The following NRBP1 variants were observed in gnomAD, a reference collection of about 807,000 sequenced individuals.
NRBP1 encodes nuclear receptor binding protein 1, also known as nuclear receptor-binding protein.
Under a neutral mutation model 76.0 loss-of-function variants are expected in NRBP1, and 10 were observed. The observed-to-expected ratio is 0.13, with a 90% CI of 0.08 to 0.22. The LOEUF (loss-of-function observed/expected upper bound fraction) is 0.22. NRBP1 is among the 10% of genes least tolerant of loss of function. The probability of loss-of-function intolerance (pLI) is 1.00; values close to 1 mark genes in which losing one functional copy is unlikely to be tolerated. For synonymous variants in NRBP1, 235 were observed against 240.2 expected, an observed-to-expected ratio of 0.98 and a Z score of 0.20; for missense variants, 344 against 646.0, an observed-to-expected ratio of 0.53 and a Z score of 5.07.
At chr2:27,431,461 A>T (rs1482924418) in intron 1 of NRBP1, among the ~76,000 whole-genome samples, 1 of 152,156 alleles carries the variant, frequency 6.6e-6, no homozygotes, top group Non-Finnish European at 1.5e-5. Context: ...TTTGTTTGTT[A>T]TTGTATCTCA....
intron 10 of NRBP1, among the ~76,000 whole-genome samples, chr2:27,438,516 G>C (rs1351319008): frequency 6.6e-6 from 1 of 152,242 alleles, no homozygotes; most frequent in African/African-American, 2.4e-5. Flanking sequence ...AAGAAGACTA[G>C]TGGGAAGTCA....
chr2:27,434,117 G>C lies in NRBP1; in HGVS notation c.435+27G>C, dbSNP rs771690939. 5.9e-6 allele frequency: 9 copies of C among 1,514,184 alleles called. 1 individual carries two copies. In the South Asian group the frequency reaches 1.0e-4, roughly 17 times the overall value. 93.8% of individuals were successfully genotyped at this position (1,514,184 alleles called of 1,614,324 possible). On this transcript the variant is annotated intron_variant, in intron 4 of 17. Transcript: ENST00000379852. ...TAAGAATTTTTTCCCCATATTTCCT[G>C]AACTTATTGCAAAGAGACTAGCTAC... is the stretch of plus-strand genomic sequence containing the variant.
chr2:27,436,414 T>G, intron 7 of NRBP1: 2 of 235,650 alleles, frequency 8.5e-6, no homozygotes, highest in Non-Finnish European at 1.7e-5. Flanking sequence ...GTACCTGGGA[T>G]TTAGGGAAGG....
chr2:27,435,256 G>A (rs1254201102), intron 7 of NRBP1, 29 bp downstream of exon 7: 3 of 1,588,236 alleles, frequency 1.9e-6, no homozygotes, highest in Non-Finnish European at 2.6e-6. Context: ...TCTGGGCAGG[G>A]GAGCCTCGGG....
At chr2:27,432,632 A>G (rs1289238161) in intron 1 of NRBP1, among the ~76,000 whole-genome samples, 3 of 152,040 alleles carry the variant, frequency 2.0e-5, no homozygotes, top group African/African-American at 4.8e-5. Flanking sequence ...TGCCTAGCCA[A>G]TGGCATGATC....
rs1353064821 is a variant in NRBP1, at chr2:27,434,607, G to A, written c.525+47G>A. On this transcript the variant is annotated intron_variant, in intron 5 of 17. Transcript: ENST00000379852. ...AGTTTGAGGCTGGTTTTTGGGGGTG[G>A]TTTTAAAAAGGACTCTGTTAATAAT... The A allele has an allele frequency of 2.5e-6, 4 of 1,595,416 alleles. No individual in the cohort carries two copies. The African/African-American group carries it at 5.4e-5, about 21-fold the overall frequency.
chr2:27,436,723 TC>T (rs1413014203), intron 7 of NRBP1, 29 bp from the exon 8 acceptor site: 1 of 1,586,110 alleles, frequency 6.3e-7, no homozygotes, highest in East Asian at 2.2e-5. Flanking sequence ...TTGATGATGG[TC>T]AGATTGTGGG....
At chr2:27,434,655 A>C in intron 5 of NRBP1, 67 bp from the exon 6 acceptor site, 1 of 1,601,082 alleles carries the variant, frequency 6.2e-7, no homozygotes, top group Middle Eastern at 1.7e-4. Context: ...GAAGGGACGG[A>C]AGGAGCTAGT....
rs1410292860 is a variant in NRBP1 at position 27,434,714 on chromosome 2, T to C, written c.526-8T>C. On this transcript the variant is annotated splice_polypyrimidine_tract_variant and splice_region_variant and intron_variant, in intron 5 of 17. Coordinates refer to ENST00000379852, the MANE Select transcript of NRBP1 (RefSeq NM_013392.4). ...TACTGCTGACCCTTGGATCCAACTT[T>C]GTTCCAGGCATGGAAGCGTTGGTGC... 8.1e-6 allele frequency: 13 copies of C among 1,614,092 alleles called. No individual in the cohort carries two copies. The highest frequency in any genetic ancestry group is 1.1e-5 in the Non-Finnish European group (13 of 1,180,044).
intron 5 of NRBP1, 43 bp from the exon 6 acceptor site, chr2:27,434,679 G>C: frequency 6.2e-7 from 1 of 1,612,768 alleles, no homozygotes; most frequent in Non-Finnish European, 8.5e-7. Flanking sequence ...AGAGAGTTAA[G>C]AGAGGGAATT....
intron 8 of NRBP1, 46 bp from the exon 9 acceptor site, chr2:27,437,001 A>G (rs2148450298): frequency 5.1e-6 from 8 of 1,577,038 alleles, no homozygotes; most frequent in South Asian, 2.3e-5. Flanking sequence ...TGCCAACCCT[A>G]GCCCCCAATC....
intron 10 of NRBP1, 129 bp from the exon 11 acceptor site, chr2:27,439,637 T>C: frequency 1.0e-6 from 1 of 976,460 alleles, no homozygotes; most frequent in Non-Finnish European, 1.5e-6. Context: ...TTTCAATATA[T>C]TGTTTTCTCA....
chr2:27,439,521 A>G (rs1664445750), intron 10 of NRBP1, among the ~76,000 whole-genome samples: 1 of 152,126 alleles, frequency 6.6e-6, no homozygotes, highest in South Asian at 2.1e-4. Context: ...ACATTAAAAA[A>G]GAAAGCTTGT....
Position 27,441,826 on chromosome 2 carries a change from C to T in NRBP1, c.*14C>T. The T allele has an allele frequency of 6.4e-7, 1 of 1,556,378 alleles. No individual in the cohort carries two copies. The highest frequency in any genetic ancestry group is 8.8e-7 in the Non-Finnish European group (1 of 1,130,036). Reference sequence around the variant, plus strand: ...GTCTCCTCTTAGAGCTCACTCGGGCCAGGCCCTGATCTGCGCTGTGGCTGT... The same window carrying T: ...GTCTCCTCTTAGAGCTCACTCGGGCTAGGCCCTGATCTGCGCTGTGGCTGT... On this transcript the variant is annotated 3_prime_UTR_variant, in exon 18 of 18. Coordinates refer to ENST00000379852, the MANE Select transcript of NRBP1 (RefSeq NM_013392.4).
chr2:27,436,965 CT>C (rs561426797), intron 8 of NRBP1, 81 bp from the exon 9 acceptor site: 29,303 of 1,116,052 alleles, frequency 0.026, 17 homozygotes, highest in South Asian at 0.045. Flanking sequence ...TTTTTCTTTT[CT>C]TTTTTTTTTT....
chr2:27,439,912 G>A lies in NRBP1; in HGVS notation c.1036+14G>A. ...TGGGACACCAACGTGAGTCGTCTTG[G>A]CCCTATGGGGAATAGTCTTCCAATC... On this transcript the variant is annotated intron_variant, in intron 11 of 17. Transcript: ENST00000379852. The A allele has an allele frequency of 6.3e-7, 1 of 1,599,282 alleles. No homozygotes were observed. The highest frequency in any genetic ancestry group is 8.5e-7 in the Non-Finnish European group (1 of 1,171,756).
At chr2:27,441,362 A>G (rs755112755) in intron 16 of NRBP1, 32 bp downstream of exon 16, 1 of 1,592,946 alleles carries the variant, frequency 6.3e-7, no homozygotes, top group South Asian at 1.1e-5. Context: ...GAGGATGGAG[A>G]GTCTATGAGC....
intron 10 of NRBP1, among the ~76,000 whole-genome samples, chr2:27,438,813 T>C (rs931356472): frequency 6.6e-6 from 1 of 151,954 alleles, no homozygotes; most frequent in Non-Finnish European, 1.5e-5. Context: ...ATAAAAATTA[T>C]CTGGGTATGG....
At position 27,440,422 on chromosome 2, in the gene NRBP1, T is replaced by C; in HGVS notation, c.1056T>C (p.Ala352=). 2 of 1,613,144 alleles carry C rather than the reference T, an allele frequency of 1.2e-6. No individual in the cohort carries two copies. Among genetic ancestry groups the C allele is most frequent in the Non-Finnish European group, 1.7e-6 (2 of 1,179,256 alleles). ...VGHQHMIPEN[A]LEEITKNMDT... ...CTCCAGACATGATCCCAGAGAACGCTCTAGAGGAGATCACCAAAAACATGG... is the reference window on the plus strand; with the variant it reads ...CTCCAGACATGATCCCAGAGAACGCCCTAGAGGAGATCACCAAAAACATGG... The change falls in exon 12 of 18, where the codon GCT becomes GCC. Residue 352 remains alanine (A), a synonymous_variant. Coordinates refer to ENST00000379852, the MANE Select transcript of NRBP1 (RefSeq NM_013392.4).
Sources: allele counts gnomAD v4.1 joint callset (sites outside exome capture counted in the v4.1 genomes callset), GRCh38; gene constraint gnomAD v4.1.1; transcripts MANE v1.5; gene names NCBI Gene and HGNC (gene_info 2026-07-23, HGNC 2026-07-21).